FHIT: variants seen among roughly 807,000 people sequenced by gnomAD.
FHIT encodes the protein bis(5'-adenosyl)-triphosphatase.
In FHIT, 19 loss-of-function variants were observed where a neutral mutation model predicts 17.9. That is an observed-to-expected ratio of 1.06 (90% CI 0.74 to 1.56). FHIT has a LOEUF of 1.56. FHIT is among the 40% of genes most tolerant of loss of function. The pLI is 0.00. For synonymous variants in FHIT, 81 were observed against 69.7 expected (o/e 1.16, Z -0.81); for missense variants, 248 against 189.2 (o/e 1.31, Z -1.82).
chr3:59,791,450 C>T (rs563366976), intron 8 of FHIT, among the ~76,000 whole-genome samples: 72 of 152,268 alleles, frequency 4.7e-4, no homozygotes, highest in Admixed American at 9.2e-4. Flanking sequence ...GACACAAAGC[C>T]CCTAATGACA....
intron 5 of FHIT, among the ~76,000 whole-genome samples, chr3:60,401,271 T>C (rs75183596): frequency 0.01 from 1,526 of 152,328 alleles, 27 homozygotes; most frequent in African/African-American, 0.035. Flanking sequence ...AGTGGTTTCA[T>C]GCTCATGAAA....
At chr3:60,716,386 T>C (rs1230145698) in intron 4 of FHIT, among the ~76,000 whole-genome samples, 2 of 152,190 alleles carry the variant, frequency 1.3e-5, no homozygotes, top group Non-Finnish European at 2.9e-5. Context: ...TTTAAATATT[T>C]GTATTATTTT....
intron 5 of FHIT, among the ~76,000 whole-genome samples, chr3:60,134,627 G>A (rs940423003): frequency 1.3e-5 from 2 of 152,096 alleles, no homozygotes; most frequent in Admixed American, 6.6e-5. Context: ...AATCTTACAA[G>A]GTTTTACTTC....
At chr3:59,825,094 T>C (rs1385838623) in intron 8 of FHIT, among the ~76,000 whole-genome samples, 1 of 152,242 alleles carries the variant, frequency 6.6e-6, no homozygotes, top group Non-Finnish European at 1.5e-5. Flanking sequence ...AGTCTCCCTC[T>C]GGGGCCTCCT....
At chr3:59,854,475 C>T (rs1286285190) in intron 8 of FHIT, among the ~76,000 whole-genome samples, 1 of 152,162 alleles carries the variant, frequency 6.6e-6, no homozygotes, top group East Asian at 1.9e-4. Context: ...TATTCTACCT[C>T]GTGAAGTGTC....
At position 60,731,893 on chromosome 3, in the gene FHIT, T is replaced by C. The variant is rs2042037884; in HGVS notation, c.-18+90026A>G. ...TCCCTTTACTGCCCCAACTCATATC[T>C]GACTAGCTGACTAGCTACCTACTGT... On this transcript the variant is annotated intron_variant, in intron 4 of 9. Coordinates refer to ENST00000492590, the MANE Select transcript of FHIT (RefSeq NM_002012.4). 2.0e-5 allele frequency among the ~76,000 whole-genome samples: 3 copies of C among 152,234 alleles called. No individual in the cohort carries two copies. In the South Asian group the frequency reaches 6.2e-4, roughly 31 times the overall value.
chr3:61,063,255 C>CAAAAAAAAAAAA (rs371077056), intron 2 of FHIT, among the ~76,000 whole-genome samples: 8 of 95,906 alleles, frequency 8.3e-5, no homozygotes, highest in East Asian at 2.4e-4. Flanking sequence ...GACTCTGTCT[C>CAAAAAAAAAAAA]AAAAAAAAAA....
At chr3:59,857,321 C>A (rs1219405509) in intron 8 of FHIT, among the ~76,000 whole-genome samples, 2 of 152,162 alleles carry the variant, frequency 1.3e-5, no homozygotes, top group Non-Finnish European at 2.9e-5. Context: ...AGATATGTCA[C>A]CGCAACTCTC....
At chr3:59,861,187 C>T (rs1204861323) in intron 8 of FHIT, among the ~76,000 whole-genome samples, 2 of 152,086 alleles carry the variant, frequency 1.3e-5, no homozygotes, top group African/African-American at 4.8e-5. Flanking sequence ...CAATCTATTT[C>T]AAAGACAGCT....
chr3:60,804,177 C>T (rs1043944218), intron 4 of FHIT, among the ~76,000 whole-genome samples: 1 of 152,200 alleles, frequency 6.6e-6, no homozygotes, highest in African/African-American at 2.4e-5. Context: ...ATTGCACCAA[C>T]AATTTAGCTC....
chr3:60,616,009 C>G (rs2038940382), intron 4 of FHIT, among the ~76,000 whole-genome samples: 1 of 152,158 alleles, frequency 6.6e-6, no homozygotes, highest in South Asian at 2.1e-4. Context: ...CCCTGCTTTC[C>G]TTATCGAAAC....
rs11130754 is a variant in FHIT, at chr3:60,104,317, A to C, written c.104-90165T>G. 5.9e-5 allele frequency among the ~76,000 whole-genome samples: 9 copies of C among 151,988 alleles called. No individual in the cohort carries two copies. In the East Asian group the frequency reaches 1.7e-3, roughly 29 times the overall value. ...TCTGTGCTAGAACCTGCTTGGTATA[A>C]AGAATTCTATTTTGTGTTCAATGTG... On this transcript the variant is annotated intron_variant, in intron 5 of 9. Transcript: ENST00000492590.
intron 7 of FHIT, among the ~76,000 whole-genome samples, chr3:60,007,170 C>T (rs1411079142): frequency 6.6e-6 from 1 of 152,114 alleles, no homozygotes; most frequent in Non-Finnish European, 1.5e-5. Context: ...CCGCCTCCCA[C>T]CCAAAGATGA....
At chr3:60,843,418 T>C (rs1358250490) in intron 3 of FHIT, among the ~76,000 whole-genome samples, 7 of 152,190 alleles carry the variant, frequency 4.6e-5, no homozygotes, top group African/African-American at 1.7e-4. Flanking sequence ...CCACTATAAA[T>C]AGTTTCTTAT....
chr3:60,956,161 C>A (rs1283983038), intron 3 of FHIT, among the ~76,000 whole-genome samples: 1 of 152,000 alleles, frequency 6.6e-6, no homozygotes, highest in East Asian at 1.9e-4. Context: ...TTGTTGTAAA[C>A]CTAAAGTTAC....
At chr3:61,051,562 T>G (rs959908670) in intron 2 of FHIT, among the ~76,000 whole-genome samples, 2 of 152,184 alleles carry the variant, frequency 1.3e-5, no homozygotes, top group South Asian at 4.1e-4. Context: ...TGGGTTATTT[T>G]GACTGACATA....
chr3:60,520,855 G>A (rs2035331915), intron 5 of FHIT, among the ~76,000 whole-genome samples: 1 of 151,976 alleles, frequency 6.6e-6, no homozygotes, highest in Non-Finnish European at 1.5e-5. Context: ...TGAATGAACA[G>A]CAGCATTTTT....
At chr3:61,236,413 A>G (rs2040233402) in intron 1 of FHIT, among the ~76,000 whole-genome samples, 1 of 152,022 alleles carries the variant, frequency 6.6e-6, no homozygotes, top group South Asian at 2.1e-4. Flanking sequence ...TATTTAATGG[A>G]TGAGGAAACT....
At chr3:60,179,686 T>TAA (rs552143665) in intron 5 of FHIT, among the ~76,000 whole-genome samples, 215 of 147,288 alleles carry the variant, frequency 1.5e-3, no homozygotes, top group African/African-American at 5.0e-3. Flanking sequence ...TGTAAGTGTG[T>TAA]AAAAAAAAAA....
Sources: allele counts gnomAD v4.1 joint callset (sites outside exome capture counted in the v4.1 genomes callset), GRCh38; gene constraint gnomAD v4.1.1; transcripts MANE v1.5; gene names NCBI Gene and HGNC (gene_info 2026-07-23, HGNC 2026-07-21).